Variants in SETD6 observed in about 807,000 individuals in gnomAD.
SETD6 encodes SET domain containing 6, protein lysine methyltransferase, also known as N-lysine methyltransferase SETD6.
In SETD6, 67 loss-of-function variants were observed where a neutral mutation model predicts 52.7. The observed-to-expected ratio is 1.27, with a 90% CI of 1.04 to 1.56. SETD6 has a LOEUF of 1.56. Among genes scored for constraint, SETD6 ranks in the 40% most tolerant of loss-of-function variants. The pLI, the probability that SETD6 is intolerant of heterozygous loss-of-function variation, is 0.00. For missense variants in SETD6, 712 were observed against 607.5 expected (o/e 1.17, Z -1.81); for synonymous variants, 307 against 250.2 (o/e 1.23, Z -2.14).
In SETD6 at chr16:58,516,851, A is replaced by G. The variant is rs746804612; in HGVS notation, c.715A>G (p.Asn239Asp). The G allele has an allele frequency of 6.2e-7, 1 of 1,614,186 alleles. No individual in the cohort carries two copies. The highest frequency in any genetic ancestry group is 1.3e-5 in the African/African-American group (1 of 75,048). ...LEEEEDEKEP[N>D]SPVMVPAADI... The stretch of plus-strand genomic sequence containing the variant: ...GGAAGAAGAGGATGAAAAGGAGCCC[A>G]ACTCCCCCGTGATGGTGCCTGCTGC... Residue 239 changes from asparagine to aspartate, a missense_variant, in exon 5 of 8, where the codon AAC becomes GAC. By Grantham distance (23) the Asn-to-Asp change is conservative (BLOSUM62 1). Coordinates refer to ENST00000219315, the MANE Select transcript of SETD6 (RefSeq NM_001160305.4).
At chr16:58,517,102 T>C in intron 5 of SETD6, 174 bp downstream of exon 5, 1 of 923,586 alleles carries the variant, frequency 1.1e-6, no homozygotes, top group South Asian at 1.4e-5. Context: ...TTTAAAGTCC[T>C]CAAAGTAAGT....
Position 58,515,541 on chromosome 16 carries a change from G to A in SETD6, c.4G>A (p.Ala2Thr). Residue 2 changes from alanine (A) to threonine (T), a missense_variant, in exon 1 of 8, where the codon GCG becomes ACG. Ala to Thr is a moderately conservative substitution (Grantham distance 58). Coordinates refer to ENST00000219315, the MANE Select transcript of SETD6 (RefSeq NM_001160305.4). MATQAKRPRVAG... is the reference protein window; with the variant it reads MTTQAKRPRVAG... ...CGAGGAAACGCGCTCTTAGACCATG[G>A]CGACCCAGGCGAAGCGTCCACGGGT... The A allele has an allele frequency of 6.3e-7, 1 of 1,588,246 alleles. No homozygotes were observed. Among genetic ancestry groups the A allele is most frequent in the South Asian group, 1.1e-5 (1 of 87,996 alleles).
chr16:58,523,235 A>T lies in SETD6; in HGVS notation c.*4206A>T. The T allele has an allele frequency of 1.1e-6, 1 of 875,712 alleles. No individual in the cohort carries two copies. The highest frequency in any genetic ancestry group is 1.6e-6 in the Non-Finnish European group (1 of 606,148). 54.2% of individuals were successfully genotyped at this position (875,712 alleles called of 1,614,324 possible). A position where few individuals can be genotyped will look rare whatever the true frequency, so the allele number is the denominator to read the frequency against. On this transcript the variant is annotated 3_prime_UTR_variant, in exon 8 of 8. Coordinates refer to ENST00000219315, the MANE Select transcript of SETD6 (RefSeq NM_001160305.4). Reference sequence around the variant, plus strand: ...ACTGCAGACTGAGTGACAGAGCAACACTCCGTCTCAAAAAAACAAAAAAAA... The same window carrying T: ...ACTGCAGACTGAGTGACAGAGCAACTCTCCGTCTCAAAAAAACAAAAAAAA...
intron 5 of SETD6, chr16:58,517,753 G>C (rs553922922): frequency 2.6e-5 from 11 of 419,410 alleles, no homozygotes; most frequent in Non-Finnish European, 4.9e-5. Flanking sequence ...TGGGATTACA[G>C]GTGTGAGCCA....
chr16:58,517,988 G>A, intron 5 of SETD6, 63 bp from the exon 6 acceptor site: 1 of 1,606,494 alleles, frequency 6.2e-7, no homozygotes, highest in Non-Finnish European at 8.5e-7. Flanking sequence ...TTCTTAAGTG[G>A]AAATAATCTT....
chr16:58,519,744 T>C lies in SETD6; in HGVS notation c.*715T>C, dbSNP rs552082559. ...AACCTGCTCCAGCATTTGTCCAGTG[T>C]TGAAATAAATAGGAAGAAAAATACA... On this transcript the variant is annotated 3_prime_UTR_variant, in exon 8 of 8. Coordinates refer to ENST00000219315, the MANE Select transcript of SETD6 (RefSeq NM_001160305.4). 6.6e-6 allele frequency: 1 copy of C among 152,326 alleles called. No homozygotes were observed. The highest frequency in any genetic ancestry group is 1.9e-4 in the East Asian group (1 of 5,186). 9.4% of individuals were successfully genotyped at this position (152,326 alleles called of 1,614,324 possible). A position where few individuals can be genotyped will look rare whatever the true frequency, so the allele number is the denominator to read the frequency against.
rs781333630 is a variant in SETD6, at chr16:58,518,818, A to T, written c.1211A>T (p.Asn404Ile). The T allele has an allele frequency of 6.2e-7, 1 of 1,614,214 alleles. No individual in the cohort carries two copies. Among genetic ancestry groups the T allele is most frequent in the Non-Finnish European group, 8.5e-7 (1 of 1,180,038 alleles). Residue 404 changes from asparagine to isoleucine, a missense_variant, in exon 8 of 8, where the codon AAT becomes ATT. Transcript: ENST00000219315. ...KREEGSLTIT[N>I]IPKLKASWRQ... ...GAAGAGGGCAGCCTGACGATCACAA[A>T]TATTCCCAAGCTCAAAGCATCGTGG...
At position 58,521,085 on chromosome 16, in the gene SETD6, C is replaced by A; in HGVS notation, c.*2056C>A. Reference sequence around the variant, plus strand: ...ATCTCTGATTAAAGAGTAGGCCTAACAATACCTTGCATCTCATTCAGCTGA... The same window carrying A: ...ATCTCTGATTAAAGAGTAGGCCTAAAAATACCTTGCATCTCATTCAGCTGA... On this transcript the variant is annotated 3_prime_UTR_variant, in exon 8 of 8. Transcript: ENST00000219315. 2.5e-6 allele frequency: 4 copies of A among 1,613,662 alleles called. No homozygotes were observed. In the Admixed American group the frequency reaches 6.7e-5, roughly 27 times the overall value.
Position 58,515,576 on chromosome 16 carries a change from G to T in SETD6, c.27+12G>T. The T allele has an allele frequency of 6.4e-7, 1 of 1,565,854 alleles. No homozygotes were observed. Among genetic ancestry groups the T allele is most frequent in the Non-Finnish European group, 8.6e-7 (1 of 1,161,832 alleles). ...CGAAGCGTCCACGGGTGAGTGGCGG[G>T]CGCGGGGTCCAGCCTTTTCCTCCGC... On this transcript the variant is annotated intron_variant, in intron 1 of 7. Transcript: ENST00000219315.
At chr16:58,516,986 G>C (rs763278048) in intron 5 of SETD6, 58 bp downstream of exon 5, 2 of 1,613,236 alleles carry the variant, frequency 1.2e-6, no homozygotes, top group Non-Finnish European at 1.7e-6. Flanking sequence ...TTGTGTCTTA[G>C]GCTCCATTCT....
At position 58,522,237 on chromosome 16, in the gene SETD6, C is replaced by CAAAAAAAAAAAAAAAA. The variant is rs56149974; in HGVS notation, c.*3223_*3238dup. On this transcript the variant is annotated 3_prime_UTR_variant, in exon 8 of 8. Transcript: ENST00000219315. Reference sequence around the variant, plus strand: ...AGGAGGCGACAAAGCGAGACTGTCTCAAAAAAAAAAAAAAAAAAAAAAAAA... The same window carrying CAAAAAAAAAAAAAAAA: ...AGGAGGCGACAAAGCGAGACTGTCTCAAAAAAAAAAAAAAAAAAAAAAAAAAAAAAAAAAAAAAAAA... 1.0e-5 allele frequency among the ~76,000 whole-genome samples: 1 copy of CAAAAAAAAAAAAAAAA among 98,556 alleles called. No individual in the cohort carries two copies. The highest frequency in any genetic ancestry group is 4.2e-5 in the African/African-American group (1 of 23,600). 64.7% of individuals were successfully genotyped at this position (98,556 alleles called of 152,430 possible). A position where few individuals can be genotyped will look rare whatever the true frequency, so the allele number is the denominator to read the frequency against.
In SETD6 at chr16:58,516,852, A is replaced by G. The variant is rs371517288; in HGVS notation, c.716A>G (p.Asn239Ser). The change falls in exon 5 of 8, where the codon AAC (asparagine) becomes AGC (serine). Residue 239 changes from asparagine to serine, a missense_variant. Coordinates refer to ENST00000219315, the MANE Select transcript of SETD6 (RefSeq NM_001160305.4). The stretch of plus-strand genomic sequence containing the variant: ...GAAGAAGAGGATGAAAAGGAGCCCA[A>G]CTCCCCCGTGATGGTGCCTGCTGCA... ...LEEEEDEKEPNSPVMVPAADI... is the reference protein window; with the variant it reads ...LEEEEDEKEPSSPVMVPAADI... The G allele has an allele frequency of 4.1e-5, 66 of 1,613,804 alleles. 1 individual carries two copies. Among genetic ancestry groups the G allele is most frequent in the Non-Finnish European group, 5.3e-5 (62 of 1,179,998 alleles).
At position 58,523,305 on chromosome 16, in the gene SETD6, G is replaced by GA. The variant is rs71155275; in HGVS notation, c.*4286dup. ...CACTGAACACTGAAAGCATAAAGAG[G>GA]AAAAAAAAAAGATGAAAGGGAGGAG... On this transcript the variant is annotated 3_prime_UTR_variant, in exon 8 of 8. Transcript: ENST00000219315. The GA allele has an allele frequency of 0.3, 389,365 of 1,315,178 alleles. 30,548 individuals carry two copies. Among genetic ancestry groups the GA allele is most frequent in the African/African-American group, 0.55 (35,183 of 64,470 alleles). The allele number at this position is 1,315,178 out of a possible 1,614,324, so 81.5% of individuals were successfully genotyped here. A position where few individuals can be genotyped will look rare whatever the true frequency, so the allele number is the denominator to read the frequency against.
In SETD6 at chr16:58,516,800, A is replaced by G; in HGVS notation, c.672-8A>G. 2 of 1,614,210 alleles carry G rather than the reference A, an allele frequency of 1.2e-6. No homozygotes were observed. The highest frequency in any genetic ancestry group is 1.6e-4 in the Middle Eastern group (1 of 6,062). Reference sequence around the variant, plus strand: ...GACAGGGCCTTAGCCAGGTTCTGTCAATGGCAGCTTTCAGGAACCACTGGA... The same window carrying G: ...GACAGGGCCTTAGCCAGGTTCTGTCGATGGCAGCTTTCAGGAACCACTGGA... On this transcript the variant is annotated splice_polypyrimidine_tract_variant and splice_region_variant and intron_variant, in intron 4 of 7. Coordinates refer to ENST00000219315, the MANE Select transcript of SETD6 (RefSeq NM_001160305.4).
chr16:58,523,657 C>T lies in SETD6; in HGVS notation c.*4628C>T. On this transcript the variant is annotated 3_prime_UTR_variant, in exon 8 of 8. Transcript: ENST00000219315. Reference sequence around the variant, plus strand: ...TTGGGACCCCAAAGAGTTCTCATTTCTGTGCGTTTTATTTCAGAATTTTCC... The same window carrying T: ...TTGGGACCCCAAAGAGTTCTCATTTTTGTGCGTTTTATTTCAGAATTTTCC... 1 of 556,528 alleles carries T rather than the reference C, an allele frequency of 1.8e-6. No individual in the cohort carries two copies. Among genetic ancestry groups the T allele is most frequent in the Non-Finnish European group, 3.1e-6 (1 of 325,292 alleles). The allele number at this position is 556,528 out of a possible 1,614,324, so 34.5% of individuals were successfully genotyped here. A position where few individuals can be genotyped will look rare whatever the true frequency, so the allele number is the denominator to read the frequency against.
At position 58,520,660 on chromosome 16, in the gene SETD6, C is replaced by T. The variant is rs1272656109; in HGVS notation, c.*1631C>T. On this transcript the variant is annotated 3_prime_UTR_variant, in exon 8 of 8. Coordinates refer to ENST00000219315, the MANE Select transcript of SETD6 (RefSeq NM_001160305.4). Reference sequence around the variant, plus strand: ...CCAGTTTATGTACTTGCCTTGGACACAGCTTGCACAAAGCCAAGAAGTTCC... The same window carrying T: ...CCAGTTTATGTACTTGCCTTGGACATAGCTTGCACAAAGCCAAGAAGTTCC... The T allele has an allele frequency of 2.4e-6, 1 of 408,832 alleles. No homozygotes were observed. Among genetic ancestry groups the T allele is most frequent in the African/African-American group, 2.0e-5 (1 of 50,056 alleles). The allele number at this position is 408,832 out of a possible 1,614,324, so 25.3% of individuals were successfully genotyped here.
intron 5 of SETD6, 157 bp downstream of exon 5, chr16:58,517,085 G>C (rs1299182275): frequency 8.9e-7 from 1 of 1,120,102 alleles, no homozygotes; most frequent in Non-Finnish European, 1.3e-6. Flanking sequence ...ATTTGAATGC[G>C]AAACATTTTA....
chr16:58,515,488 G>A (rs750642518), upstream of SETD6: 35 of 1,558,114 alleles, frequency 2.2e-5, no homozygotes, highest in South Asian at 3.5e-5. Context: ...CAGAGACGCC[G>A]GAAGTGACCG....
In SETD6 at chr16:58,521,168, T is replaced by C. The variant is rs761529225; in HGVS notation, c.*2139T>C. 7 of 1,612,822 alleles carry C rather than the reference T, an allele frequency of 4.3e-6. No homozygotes were observed. The East Asian group carries it at 1.3e-4, about 31-fold the overall frequency. ...AGTCTCATTCCTAGACAATTAAAAA[T>C]TACTTTGAACTCACTTTTCGATTTC... On this transcript the variant is annotated 3_prime_UTR_variant, in exon 8 of 8. Transcript: ENST00000219315.
Sources: allele counts gnomAD v4.1 joint callset (sites outside exome capture counted in the v4.1 genomes callset), GRCh38; gene constraint gnomAD v4.1.1; transcripts MANE v1.5; gene names NCBI Gene and HGNC (gene_info 2026-07-23, HGNC 2026-07-21).